DMC1: variants seen among roughly 807,000 people sequenced by gnomAD.
The protein encoded by DMC1 is meiotic recombination protein DMC1 homolog.
DMC1 carries 27 observed loss-of-function variants against 50.1 expected under a neutral mutation model. The observed-to-expected ratio is 0.54, with a 90% confidence interval of 0.40 to 0.74. The LOEUF is 0.74. Ranked by LOEUF, DMC1 falls within the 30% of genes least tolerant of loss-of-function variation. The probability of loss-of-function intolerance (pLI) is 0.00; values close to 1 mark genes in which losing one functional copy is unlikely to be tolerated. For synonymous variants in DMC1, 148 were observed against 136.1 expected, an observed-to-expected ratio of 1.09 and a Z score of -0.61; for missense variants, 295 against 420.2, an observed-to-expected ratio of 0.70 and a Z score of 2.60.
chr22:38,517,495 G>A (rs574708420), downstream of DMC1, among the ~76,000 whole-genome samples: 5 of 152,132 alleles, frequency 3.3e-5, no homozygotes, highest in Non-Finnish European at 7.3e-5. Flanking sequence ...CTTGAACCCA[G>A]GAGGAGGAGG....
chr22:38,512,569 C>G, the DMC1 span, among the ~76,000 whole-genome samples: 2 of 152,188 alleles, frequency 1.3e-5, no homozygotes, highest in Admixed American at 6.5e-5. Flanking sequence ...CCTTTAACAA[C>G]TTCCCTCTCA....
chr22:38,562,453 A>G, intron 4 of DMC1, 84 bp from the exon 5 acceptor site: 1 of 912,060 alleles, frequency 1.1e-6, no homozygotes, highest in Admixed American at 1.8e-5. Context: ...TGATATACTC[A>G]GTTATTAAGA....
chr22:38,564,356 C>A (rs1365573742), intron 4 of DMC1, among the ~76,000 whole-genome samples: 1 of 152,098 alleles, frequency 6.6e-6, no homozygotes, highest in African/African-American at 2.4e-5. Flanking sequence ...GTCACCCAGG[C>A]TGGAGCGTAG....
chr22:38,513,458 G>T, the DMC1 span, among the ~76,000 whole-genome samples: 3 of 152,248 alleles, frequency 2.0e-5, no homozygotes, highest in Non-Finnish European at 4.4e-5. Flanking sequence ...TAACAAGCCA[G>T]GGTCAGTTGA....
intron 12 of DMC1, among the ~76,000 whole-genome samples, chr22:38,526,265 C>T (rs976040117): frequency 4.6e-5 from 7 of 152,030 alleles, no homozygotes; most frequent in Middle Eastern, 3.4e-3. Flanking sequence ...AGTGCAATGC[C>T]GTGATCGCGG....
intron 7 of DMC1, 107 bp from the exon 8 acceptor site, chr22:38,550,104 CAA>C (rs1434987937): frequency 2.0e-5 from 16 of 791,202 alleles, no homozygotes; most frequent in Admixed American, 8.7e-5. Flanking sequence ...GTACATTTTG[CAA>C]AGAGTCATGA....
chr22:38,541,319 T>A (rs2090278429), intron 8 of DMC1, among the ~76,000 whole-genome samples: 1 of 152,094 alleles, frequency 6.6e-6, no homozygotes, highest in Admixed American at 6.6e-5. Flanking sequence ...TGAGATGGAG[T>A]CTCACTCTGT....
At chr22:38,560,499 T>C (rs1483317364) in intron 5 of DMC1, among the ~76,000 whole-genome samples, 1 of 151,428 alleles carries the variant, frequency 6.6e-6, no homozygotes, top group East Asian at 1.9e-4. Context: ...TCTGGCTCTT[T>C]AGTGAATTAA....
At chr22:38,534,957 G>C (rs1357761465) in intron 12 of DMC1, among the ~76,000 whole-genome samples, 1 of 151,746 alleles carries the variant, frequency 6.6e-6, no homozygotes, top group Non-Finnish European at 1.5e-5. Flanking sequence ...AGTGAGCTGA[G>C]ATCGCACCAT....
downstream of DMC1, among the ~76,000 whole-genome samples, chr22:38,514,477 C>T (rs988936163): frequency 2.0e-5 from 3 of 151,844 alleles, no homozygotes; most frequent in African/African-American, 2.4e-5. Flanking sequence ...CTCCTGACCT[C>T]GTGATCTGCC....
intron 1 of DMC1, among the ~76,000 whole-genome samples, chr22:38,568,776 G>A (rs1264367741): frequency 6.6e-6 from 1 of 152,124 alleles, no homozygotes; most frequent in Admixed American, 6.5e-5. Flanking sequence ...CATCTATGAT[G>A]AATGCCTTCC....
intron 8 of DMC1, among the ~76,000 whole-genome samples, chr22:38,543,726 TCTA>T (rs918220518): frequency 1.3e-5 from 2 of 152,178 alleles, no homozygotes; most frequent in Non-Finnish European, 2.9e-5. Flanking sequence ...CCCCTGGTCA[TCTA>T]CTCCATGCTG....
chr22:38,532,370 T>G (rs1431029542), intron 12 of DMC1, among the ~76,000 whole-genome samples: 1 of 151,650 alleles, frequency 6.6e-6, no homozygotes, highest in Non-Finnish European at 1.5e-5. Context: ...TCACCCAGGC[T>G]GGAGTGCAGG....
chr22:38,551,028 G>A (rs971928352), intron 7 of DMC1, among the ~76,000 whole-genome samples: 1 of 150,980 alleles, frequency 6.6e-6, no homozygotes, highest in African/African-American at 2.4e-5. Context: ...GGATCATGAG[G>A]TCAGGAGTTT....
intron 5 of DMC1, among the ~76,000 whole-genome samples, chr22:38,556,203 G>A (rs976820313): frequency 6.6e-6 from 1 of 152,038 alleles, no homozygotes; most frequent in African/African-American, 2.4e-5. Flanking sequence ...AATTTTCAAT[G>A]TTTTTTCTTT....
rs558971488 is a variant in DMC1 at position 38,549,327 on chromosome 22, T to C, written c.494+598A>G. 5 of 152,432 alleles carry C rather than the reference T, an allele frequency of 3.3e-5. No homozygotes were observed. In the East Asian group the frequency reaches 9.6e-4, roughly 29 times the overall value. 9.4% of individuals were successfully genotyped at this position (152,432 alleles called of 1,614,324 possible). On this transcript the variant is annotated intron_variant, in intron 8 of 13. Transcript: ENST00000216024. ...ATTTGGGACCATGACTTTCAGTGAGTCAATAATCTTTCAGCCAGGCGCAGT... is the reference window on the plus strand; with the variant it reads ...ATTTGGGACCATGACTTTCAGTGAGCCAATAATCTTTCAGCCAGGCGCAGT...
chr22:38,565,536 T>C (rs2146025910), intron 4 of DMC1, among the ~76,000 whole-genome samples: 1 of 152,366 alleles, frequency 6.6e-6, no homozygotes, highest in African/African-American at 2.4e-5. Flanking sequence ...ATGGCAAAAC[T>C]GCCTCTGAGC....
chr22:38,560,126 C>T (rs1219210940), intron 5 of DMC1, among the ~76,000 whole-genome samples: 1 of 151,832 alleles, frequency 6.6e-6, no homozygotes, highest in Non-Finnish European at 1.5e-5. Context: ...GGAAAGGGGA[C>T]AAGGAAGACA....
intron 3 of DMC1, 125 bp downstream of exon 3, chr22:38,567,458 A>T: frequency 1.2e-6 from 1 of 816,972 alleles, no homozygotes. Context: ...AGGATGTTGC[A>T]AACACCCTAC....
Sources: allele counts gnomAD v4.1 joint callset (sites outside exome capture counted in the v4.1 genomes callset), GRCh38; gene constraint gnomAD v4.1.1; transcripts MANE v1.5; gene names NCBI Gene and HGNC (gene_info 2026-07-23, HGNC 2026-07-21).